Variants in CSMD1 observed in about 807,000 individuals in gnomAD.
CSMD1 encodes the protein CUB and sushi domain-containing protein 1.
A neutral mutation model predicts 417.5 loss-of-function variants in CSMD1; 213 were observed. That is an observed-to-expected ratio of 0.51 (90% CI 0.46 to 0.57). The LOEUF is 0.57. CSMD1 is among the 20% of genes least tolerant of loss of function. The pLI is 0.00. For synonymous variants in CSMD1, 2,862 were observed against 1,736.8 expected (o/e 1.65, Z -16.11); for missense variants, 6,923 against 4,529.7 (o/e 1.53, Z -15.17).
chr8:3,479,305 A>C (rs1217818368), intron 11 of CSMD1, among the ~76,000 whole-genome samples: 7 of 151,978 alleles, frequency 4.6e-5, no homozygotes, highest in Admixed American at 4.6e-4. Flanking sequence ...TTTTAGACTA[A>C]GTTTCACTCT....
intron 1 of CSMD1, among the ~76,000 whole-genome samples, chr8:4,729,578 G>C (rs566592295): frequency 2.6e-5 from 4 of 152,256 alleles, no homozygotes; most frequent in African/African-American, 9.6e-5. Context: ...GATATTGCTA[G>C]AGAAACATAT....
intron 1 of CSMD1, among the ~76,000 whole-genome samples, chr8:4,660,383 C>T (rs533401925): frequency 3.3e-5 from 5 of 151,986 alleles, no homozygotes; most frequent in East Asian, 1.9e-4. Context: ...CCAGAAAACA[C>T]GAAAGTAATG....
chr8:3,420,529 G>T (rs922001276), intron 12 of CSMD1, among the ~76,000 whole-genome samples: 2 of 149,018 alleles, frequency 1.3e-5, no homozygotes, highest in Admixed American at 1.4e-4. Flanking sequence ...TTAAATATAG[G>T]GAAACTGGCT....
chr8:4,708,755 C>T (rs1056724303), intron 1 of CSMD1, among the ~76,000 whole-genome samples: 1 of 152,026 alleles, frequency 6.6e-6, no homozygotes, highest in African/African-American at 2.4e-5. Flanking sequence ...AAGTCCTAAC[C>T]CCCAGCATGG....
chr8:3,411,955 C>CACGTATATATGTAT (rs1554543380), intron 12 of CSMD1, among the ~76,000 whole-genome samples: 1 of 56,084 alleles, frequency 1.8e-5, no homozygotes, highest in Non-Finnish European at 3.5e-5. Flanking sequence ...CGTATATATA[C>CACGTATATATGTAT]ACGTATATAT....
chr8:4,792,394 G>T (rs779264425), intron 1 of CSMD1, among the ~76,000 whole-genome samples: 1 of 152,110 alleles, frequency 6.6e-6, no homozygotes, highest in Non-Finnish European at 1.5e-5. Flanking sequence ...GAGACATTTC[G>T]TCTTTTCATC....
At chr8:3,594,531 A>G (rs754969975) in intron 8 of CSMD1, among the ~76,000 whole-genome samples, 4 of 152,158 alleles carry the variant, frequency 2.6e-5, no homozygotes, top group African/African-American at 4.8e-5. Flanking sequence ...TTGTCCAGGA[A>G]TGTTTTTCAA....
At chr8:3,580,739 C>G (rs1225361813) in intron 9 of CSMD1, among the ~76,000 whole-genome samples, 2 of 152,092 alleles carry the variant, frequency 1.3e-5, no homozygotes, top group Admixed American at 6.6e-5. Flanking sequence ...CAGTGGTTAC[C>G]TGATCAAATA....
chr8:4,148,474 G>C (rs537550331), intron 3 of CSMD1, among the ~76,000 whole-genome samples: 1 of 151,766 alleles, frequency 6.6e-6, no homozygotes, highest in Non-Finnish European at 1.5e-5. Context: ...CATATGTAAC[G>C]AACCTGCACA....
At chr8:3,139,905 C>CT (rs56391105) in intron 41 of CSMD1, among the ~76,000 whole-genome samples, 122 of 127,114 alleles carry the variant, frequency 9.6e-4, no homozygotes, top group East Asian at 3.1e-3. Context: ...TTCTTTCTTT[C>CT]TTTTTTTTTT....
intron 4 of CSMD1, among the ~76,000 whole-genome samples, chr8:4,008,199 GA>G (rs1321970377): frequency 6.6e-6 from 1 of 152,036 alleles, no homozygotes; most frequent in Admixed American, 6.5e-5. Context: ...AGGGCAGCTG[GA>G]AAAATTAGTT....
rs565069605 is a variant in CSMD1, at chr8:4,355,853, T to C, written c.415+64100A>G. Among the ~76,000 whole-genome samples the C allele has an allele frequency of 1.8e-4, 28 of 152,342 alleles. 1 individual carries two copies. Among genetic ancestry groups the C allele is most frequent in the African/African-American group, 6.3e-4 (26 of 41,586 alleles). On this transcript the variant is annotated intron_variant, in intron 3 of 69. Coordinates refer to ENST00000635120, the MANE Select transcript of CSMD1 (RefSeq NM_033225.6). Reference sequence around the variant, plus strand: ...ATTCCAGGCCGAAAGTAGAGGAGCTTTGGAGGATGGGAACCAGGCCTTGCC... The same window carrying C: ...ATTCCAGGCCGAAAGTAGAGGAGCTCTGGAGGATGGGAACCAGGCCTTGCC...
intron 3 of CSMD1, among the ~76,000 whole-genome samples, chr8:4,096,650 T>C (rs1044478510): frequency 2.0e-5 from 3 of 152,248 alleles, no homozygotes. Context: ...TTTACTAAGA[T>C]ATTTAGATAA....
intron 2 of CSMD1, among the ~76,000 whole-genome samples, chr8:4,610,813 T>G (rs189427946): frequency 6.6e-6 from 1 of 152,206 alleles, no homozygotes; most frequent in Admixed American, 6.5e-5. Flanking sequence ...CAGGATGGCA[T>G]GCATGCCTGT....
At chr8:4,115,681 C>G (rs1386221651) in intron 3 of CSMD1, among the ~76,000 whole-genome samples, 1 of 152,038 alleles carries the variant, frequency 6.6e-6, no homozygotes, top group Non-Finnish European at 1.5e-5. Context: ...TTGGAAGCGA[C>G]CAAGGTGCCC....
intron 11 of CSMD1, among the ~76,000 whole-genome samples, chr8:3,474,499 T>A (rs4875233): frequency 0.22 from 33,952 of 152,084 alleles, 5,125 homozygotes; most frequent in East Asian, 0.59. Context: ...CAGTAATCTT[T>A]CTTGTCTTCA....
intron 1 of CSMD1, among the ~76,000 whole-genome samples, chr8:4,856,364 G>A (rs909602738): frequency 2.8e-5 from 4 of 144,348 alleles, no homozygotes; most frequent in African/African-American, 1.1e-4. Flanking sequence ...CAACTAACGA[G>A]CAAAATAACC....
chr8:4,516,568 A>C (rs1325328681), intron 2 of CSMD1, among the ~76,000 whole-genome samples: 1 of 152,088 alleles, frequency 6.6e-6, no homozygotes, highest in Non-Finnish European at 1.5e-5. Flanking sequence ...CACTGCCGTA[A>C]GCCTCTGGAA....
At chr8:4,318,243 A>G (rs1212090165) in intron 3 of CSMD1, among the ~76,000 whole-genome samples, 1 of 152,174 alleles carries the variant, frequency 6.6e-6, no homozygotes, top group African/African-American at 2.4e-5. Flanking sequence ...CACTGTAGAA[A>G]GAAATGACAC....
Sources: allele counts gnomAD v4.1 joint callset (sites outside exome capture counted in the v4.1 genomes callset), GRCh38; gene constraint gnomAD v4.1.1; transcripts MANE v1.5; gene names NCBI Gene and HGNC (gene_info 2026-07-23, HGNC 2026-07-21).